Variants in ANKRD30B observed in about 807,000 individuals in gnomAD.
The protein encoded by ANKRD30B is ankyrin repeat domain 30B.
A neutral mutation model predicts 202.2 loss-of-function variants in ANKRD30B; 144 were observed. That is an observed-to-expected ratio of 0.71 (90% CI 0.62 to 0.82). ANKRD30B has a LOEUF of 0.82. Ranked by LOEUF, ANKRD30B falls within the 40% of genes least tolerant of loss-of-function variation. The pLI, the probability that ANKRD30B is intolerant of heterozygous loss-of-function variation, is 0.00. For missense variants in ANKRD30B, 1,487 were observed against 1,669.1 expected, an observed-to-expected ratio of 0.89 and a Z score of 1.90; for synonymous variants, 508 against 561.3, an observed-to-expected ratio of 0.91 and a Z score of 1.34.
chr18:14,908,984 G>T, the ANKRD30B span, among the ~76,000 whole-genome samples: 7 of 152,308 alleles, frequency 4.6e-5, no homozygotes, highest in East Asian at 9.7e-4. Flanking sequence ...GAAGGGCTGG[G>T]TCTCTCTGGA....
At chr18:14,858,998 G>A (rs1972141676), downstream of ANKRD30B, among the ~76,000 whole-genome samples, 1 of 92,144 alleles carries the variant, frequency 1.1e-5, no homozygotes, top group Admixed American at 9.2e-5. Context: ...GGGCAGCTGG[G>A]CAAAGGCGCT....
At chr18:14,851,056 C>A (rs888855852) in intron 41 of ANKRD30B, among the ~76,000 whole-genome samples, 1 of 151,798 alleles carries the variant, frequency 6.6e-6, no homozygotes, top group African/African-American at 2.4e-5. Flanking sequence ...AGAATATTCT[C>A]AGGAAAAAGG....
At chr18:14,748,991 G>A (rs541318160) in intron 1 of ANKRD30B, among the ~76,000 whole-genome samples, 3 of 152,204 alleles carry the variant, frequency 2.0e-5, no homozygotes, top group Admixed American at 6.5e-5. Context: ...TACTTTTAAT[G>A]TACAGGTTTT....
Position 14,752,839 on chromosome 18 carries a change from G to C in ANKRD30B, c.337G>C (p.Ala113Pro). Residue 113 changes from alanine to proline, a missense_variant and splice_region_variant, in exon 3 of 44, where the codon GCT (alanine) becomes CCT (proline). Ala to Pro is a conservative substitution (Grantham distance 27). Coordinates refer to ENST00000690538, the MANE Select transcript of ANKRD30B (RefSeq NM_001367607.2). ...GTACTTCTTGCTTTAATACTGACAG[G>C]CTCTACAATGCGAGAGGGAGGCTTG... The part of the protein sequence containing the change: ...DGEGRTPLMK[A>P]LQCEREACAN... 6.2e-7 allele frequency: 1 copy of C among 1,607,590 alleles called. No homozygotes were observed. Among genetic ancestry groups the C allele is most frequent in the Non-Finnish European group, 8.5e-7 (1 of 1,176,632 alleles).
the ANKRD30B span, among the ~76,000 whole-genome samples, chr18:14,903,322 A>G: frequency 4.6e-5 from 7 of 152,230 alleles, no homozygotes; most frequent in Non-Finnish European, 7.3e-5. Context: ...CCATATTCCA[A>G]TGGGGCCCAG....
chr18:14,893,041 T>A, the ANKRD30B span, among the ~76,000 whole-genome samples: 1 of 152,164 alleles, frequency 6.6e-6, no homozygotes, highest in East Asian at 1.9e-4. Flanking sequence ...GAGATGAGAA[T>A]ATACTTATAT....
At chr18:14,846,811 T>C (rs1449135876) in intron 39 of ANKRD30B, among the ~76,000 whole-genome samples, 1 of 151,900 alleles carries the variant, frequency 6.6e-6, no homozygotes, top group Non-Finnish European at 1.5e-5. Flanking sequence ...TTTGTCTTTA[T>C]ATTTAAAGTT....
the ANKRD30B span, among the ~76,000 whole-genome samples, chr18:14,931,861 G>A: frequency 1.1e-5 from 1 of 93,348 alleles, no homozygotes; most frequent in Admixed American, 1.4e-4. Flanking sequence ...GGGCAGAGCA[G>A]TGGCATTAGT....
chr18:14,841,724 T>G (rs2143184731), intron 37 of ANKRD30B, among the ~76,000 whole-genome samples: 1 of 152,280 alleles, frequency 6.6e-6, no homozygotes, highest in Non-Finnish European at 1.5e-5. Flanking sequence ...GCCAGCCAAC[T>G]TTGGAGTTTC....
chr18:14,856,538 C>A (rs1372005845), downstream of ANKRD30B, among the ~76,000 whole-genome samples: 5 of 128,176 alleles, frequency 3.9e-5, no homozygotes, highest in African/African-American at 1.4e-4. Flanking sequence ...AGATGATGGG[C>A]AGCCAGGCAG....
At chr18:14,864,556 T>G in the ANKRD30B span, among the ~76,000 whole-genome samples, 2 of 151,728 alleles carry the variant, frequency 1.3e-5, no homozygotes, top group Non-Finnish European at 2.9e-5. Flanking sequence ...TGCAAAGCCT[T>G]CTATACTTTA....
the ANKRD30B span, among the ~76,000 whole-genome samples, chr18:14,866,549 G>T: frequency 6.6e-6 from 1 of 152,310 alleles, no homozygotes; most frequent in East Asian, 1.9e-4. Context: ...AACGCTGGCA[G>T]CTGGAGCCTT....
chr18:14,877,373 G>A, the ANKRD30B span, among the ~76,000 whole-genome samples: 4 of 151,924 alleles, frequency 2.6e-5, no homozygotes, highest in South Asian at 2.1e-4. Context: ...ATCAATTCTA[G>A]TTGACTTTCT....
At chr18:14,757,112 GGAA>G (rs1430303148) in intron 4 of ANKRD30B, among the ~76,000 whole-genome samples, 2 of 151,748 alleles carry the variant, frequency 1.3e-5, no homozygotes, top group Non-Finnish European at 2.9e-5. Flanking sequence ...ATGGGTAGAG[GGAA>G]GAAAGACATC....
At chr18:14,847,400 T>G (rs1385362825) in intron 39 of ANKRD30B, among the ~76,000 whole-genome samples, 12 of 149,682 alleles carry the variant, frequency 8.0e-5, no homozygotes, top group Non-Finnish European at 1.3e-4. Context: ...TAGCCAATTT[T>G]TCTTCAGATG....
chr18:14,864,083 C>G, the ANKRD30B span, among the ~76,000 whole-genome samples: 1 of 152,192 alleles, frequency 6.6e-6, no homozygotes, highest in Non-Finnish European at 1.5e-5. Context: ...TGGCTCAAAC[C>G]TGTAATCCCA....
chr18:14,865,616 G>T, the ANKRD30B span, among the ~76,000 whole-genome samples: 8 of 145,208 alleles, frequency 5.5e-5, no homozygotes, highest in African/African-American at 1.0e-4. Flanking sequence ...TCTACCCCCA[G>T]TTTTTTTTTT....
intron 10 of ANKRD30B, among the ~76,000 whole-genome samples, chr18:14,779,258 A>T (rs1380231729): frequency 6.6e-6 from 1 of 152,098 alleles, no homozygotes; most frequent in Non-Finnish European, 1.5e-5. Flanking sequence ...AAATGTGGGA[A>T]ATTTAGGTTA....
Position 14,752,884 on chromosome 18 carries a change from G to A in ANKRD30B, c.382G>A (p.Ala128Thr), listed in dbSNP as rs746084131. 9 of 1,609,062 alleles carry A rather than the reference G, an allele frequency of 5.6e-6. No homozygotes were observed. In the East Asian group the frequency reaches 1.6e-4, roughly 28 times the overall value. ...REACANILID[A>T]GADLNYVDVY... ...GGCTTGTGCAAATATTCTCATAGAT[G>A]CTGGTGCTGATCTAAATTATGTAGA... Residue 128 changes from alanine (A) to threonine (T), a missense_variant, in exon 3 of 44, where the codon GCT (alanine) becomes ACT (threonine). This residue lies in a region of ANKRD30B where 889 missense variants were observed against 841.4 expected (regional missense o/e 1.06). Transcript: ENST00000690538.
Sources: gnomAD v4.1 joint callset for allele counts (sites outside exome capture counted in the v4.1 genomes callset) on GRCh38, gnomAD v4.1.1 for gene constraint, gnomAD v4.1.1 regional missense constraint, MANE v1.5 for transcripts, NCBI Gene and HGNC (gene_info 2026-07-23, HGNC 2026-07-21) for gene names.